Variants in TRPM3 observed in about 807,000 individuals in gnomAD.
TRPM3 encodes the protein long transient receptor potential channel 3.
In TRPM3, 77 loss-of-function variants were observed where a neutral mutation model predicts 181.2. That is an observed-to-expected ratio of 0.42 (90% CI 0.35 to 0.51). The LOEUF is 0.51. Ranked by LOEUF, TRPM3 falls within the 20% of genes least tolerant of loss-of-function variation. The pLI, the probability that TRPM3 is intolerant of heterozygous loss-of-function variation, is 0.01. For synonymous variants in TRPM3, 745 were observed against 796.4 expected (o/e 0.94, Z 1.09); for missense variants, 1,759 against 2,196.7 (o/e 0.80, Z 3.98).
At chr9:70,565,898 T>C (rs1294086148) in intron 22 of TRPM3, among the ~76,000 whole-genome samples, 2 of 152,178 alleles carry the variant, frequency 1.3e-5, no homozygotes. Context: ...CCTGACCTAA[T>C]GATGATAATA....
At chr9:70,700,472 T>C (rs1355170328) in intron 8 of TRPM3, among the ~76,000 whole-genome samples, 2 of 152,178 alleles carry the variant, frequency 1.3e-5, no homozygotes. Context: ...GGAATCAGAA[T>C]TAGAGTCTCT....
Position 70,616,439 on chromosome 9 carries a change from C to T in TRPM3, c.2359-364G>A, listed in dbSNP as rs140883107. On this transcript the variant is annotated intron_variant, in intron 17 of 25. Coordinates refer to ENST00000677713, the MANE Select transcript of TRPM3 (RefSeq NM_001366145.2). ...TTTAAGGCAAAAGTGGGAAAGAATTCAGATTTACATTTAGCCATTAGACAG... is the reference window on the plus strand; with the variant it reads ...TTTAAGGCAAAAGTGGGAAAGAATTTAGATTTACATTTAGCCATTAGACAG... Among the ~76,000 whole-genome samples, 10 of 151,740 alleles carry T rather than the reference C, an allele frequency of 6.6e-5. No individual in the cohort carries two copies. In the East Asian group the frequency reaches 1.9e-3, roughly 29 times the overall value.
chr9:70,588,682 A>G (rs951431389), intron 22 of TRPM3, among the ~76,000 whole-genome samples: 9 of 152,180 alleles, frequency 5.9e-5, no homozygotes, highest in African/African-American at 2.2e-4. Flanking sequence ...CACGACACAG[A>G]AAAGAGGCAA....
intron 8 of TRPM3, among the ~76,000 whole-genome samples, chr9:70,746,625 G>C (rs2075208734): frequency 6.6e-6 from 1 of 152,010 alleles, no homozygotes; most frequent in Admixed American, 6.6e-5. Context: ...AATTGGTAGG[G>C]GATACAGGGC....
chr9:71,328,928 A>G (rs2089918163), intron 1 of TRPM3, among the ~76,000 whole-genome samples: 1 of 152,224 alleles, frequency 6.6e-6, no homozygotes, highest in African/African-American at 2.4e-5. Flanking sequence ...TCACATATGG[A>G]CAATGCTGAA....
chr9:71,427,925 A>C (rs949640933), intron 1 of TRPM3, among the ~76,000 whole-genome samples: 1 of 150,604 alleles, frequency 6.6e-6, no homozygotes, highest in Non-Finnish European at 1.5e-5. Flanking sequence ...AAAGTTGAAA[A>C]AATAAAATAT....
intron 3 of TRPM3, among the ~76,000 whole-genome samples, chr9:70,857,808 G>A (rs552150653): frequency 3.9e-5 from 6 of 152,240 alleles, no homozygotes; most frequent in African/African-American, 9.6e-5. Flanking sequence ...GGATGCCCAC[G>A]GTCTATGCCA....
chr9:70,972,688 T>A (rs986063839), intron 1 of TRPM3, among the ~76,000 whole-genome samples: 1 of 152,184 alleles, frequency 6.6e-6, no homozygotes, highest in Non-Finnish European at 1.5e-5. Flanking sequence ...AGGACTTTTT[T>A]AAGATCTTGA....
intron 1 of TRPM3, among the ~76,000 whole-genome samples, chr9:71,248,139 T>A (rs1434785214): frequency 6.6e-6 from 1 of 152,230 alleles, no homozygotes; most frequent in Non-Finnish European, 1.5e-5. Context: ...GCATCAGAAA[T>A]TACTGGTTGT....
At chr9:71,274,033 G>A (rs1047111321) in intron 1 of TRPM3, among the ~76,000 whole-genome samples, 1 of 152,136 alleles carries the variant, frequency 6.6e-6, no homozygotes, top group African/African-American at 2.4e-5. Context: ...GTCCTCATCT[G>A]TTACCGGTGG....
intron 1 of TRPM3, among the ~76,000 whole-genome samples, chr9:71,110,239 G>T (rs1440768460): frequency 6.6e-6 from 1 of 152,092 alleles, no homozygotes; most frequent in Non-Finnish European, 1.5e-5. Context: ...GAACCTTAAG[G>T]ATCATCTCAT....
chr9:70,982,339 C>T (rs1423155767), intron 1 of TRPM3, among the ~76,000 whole-genome samples: 3 of 152,150 alleles, frequency 2.0e-5, no homozygotes, highest in Non-Finnish European at 4.4e-5. Context: ...GAAACATCGC[C>T]AATCTCACAT....
chr9:71,141,793 C>A lies in TRPM3; in HGVS notation c.184-277282G>T, dbSNP rs1018951353. Reference sequence around the variant, plus strand: ...ACTTTCACTCATGTCTGTCGTTCTGCTGGTTGTTGTCTTGCAAAATCTCAA... The same window carrying A: ...ACTTTCACTCATGTCTGTCGTTCTGATGGTTGTTGTCTTGCAAAATCTCAA... On this transcript the variant is annotated intron_variant, in intron 1 of 24. Coordinates refer to the TRPM3 transcript ENST00000357533. 2.8e-4 allele frequency among the ~76,000 whole-genome samples: 42 copies of A among 152,068 alleles called. 1 individual carries two copies. The highest frequency in any genetic ancestry group is 6.0e-4 in the Non-Finnish European group (41 of 68,002).
At chr9:71,071,511 C>A (rs1451588733) in intron 1 of TRPM3, among the ~76,000 whole-genome samples, 1 of 152,126 alleles carries the variant, frequency 6.6e-6, no homozygotes, top group African/African-American at 2.4e-5. Context: ...ACAATCTTGA[C>A]AATGAAATGA....
chr9:71,007,636 A>C (rs2097693997), intron 1 of TRPM3, among the ~76,000 whole-genome samples: 1 of 152,194 alleles, frequency 6.6e-6, no homozygotes, highest in African/African-American at 2.4e-5. Context: ...ATTACTGAAG[A>C]AATTTAATAG....
intron 8 of TRPM3, among the ~76,000 whole-genome samples, chr9:70,748,614 C>G (rs887486176): frequency 3.9e-5 from 6 of 152,048 alleles, no homozygotes; most frequent in African/African-American, 1.2e-4. Context: ...AGTGCCCTTA[C>G]GAAAAAGGCC....
At chr9:71,090,549 C>T (rs1229242586) in intron 1 of TRPM3, among the ~76,000 whole-genome samples, 1 of 152,278 alleles carries the variant, frequency 6.6e-6, no homozygotes, top group East Asian at 1.9e-4. Context: ...GAGACGCTTC[C>T]CAGACTGTTG....
At chr9:70,769,046 T>C (rs578033121) in intron 7 of TRPM3, among the ~76,000 whole-genome samples, 1 of 152,232 alleles carries the variant, frequency 6.6e-6, no homozygotes, top group Non-Finnish European at 1.5e-5. Flanking sequence ...AATTGGTTTC[T>C]TCTCTATCCT....
At chr9:70,846,844 A>G (rs572049399) in intron 3 of TRPM3, among the ~76,000 whole-genome samples, 1 of 152,330 alleles carries the variant, frequency 6.6e-6, no homozygotes, top group Non-Finnish European at 1.5e-5. Context: ...CTGTGCAAGC[A>G]TGACTTTTCC....
Sources: gnomAD v4.1 joint callset for allele counts (sites outside exome capture counted in the v4.1 genomes callset) on GRCh38, gnomAD v4.1.1 for gene constraint, MANE v1.5 for transcripts, NCBI Gene and HGNC (gene_info 2026-07-23, HGNC 2026-07-21) for gene names.